SRGAP2C: variants seen among roughly 807,000 people sequenced by gnomAD.
The protein encoded by SRGAP2C is SLIT-ROBO Rho GTPase-activating protein 2C.
Under a neutral mutation model 25.1 loss-of-function variants are expected in SRGAP2C, and 15 were observed. The ratio of observed to expected loss-of-function variants is 0.60; its 90% CI spans 0.40 to 0.92. The LOEUF (loss-of-function observed/expected upper bound fraction) is 0.92. SRGAP2C is among the 40% of genes least tolerant of loss of function. SRGAP2C has a pLI of 0.00. For missense variants in SRGAP2C, 144 were observed against 264.4 expected (o/e 0.54, Z 3.16); for synonymous variants, 44 against 96.6 (o/e 0.46, Z 3.19).
chr1:121,269,863 A>G (rs1313044902), intron 2 of SRGAP2C, among the ~76,000 whole-genome samples: 2 of 149,112 alleles, frequency 1.3e-5, no homozygotes, highest in East Asian at 3.9e-4. Context: ...TTCACTTTAG[A>G]TGATTGTCTG....
chr1:121,230,878 C>G lies in SRGAP2C; in HGVS notation c.67+43365C>G, dbSNP rs1287765247. Among the ~76,000 whole-genome samples, 332 of 151,484 alleles carry G rather than the reference C, an allele frequency of 2.2e-3. 1 individual carries two copies. The highest frequency in any genetic ancestry group is 2.0e-3 in the Non-Finnish European group (137 of 67,896). ...CCATAAAAAAGAATGAGTTCATGTC[C>G]TTTGCAGGGACATGGATGAAGCTGG... is the stretch of plus-strand genomic sequence containing the variant. On this transcript the variant is annotated intron_variant, in intron 2 of 9. Transcript: ENST00000367123.
chr1:121,239,241 ATATAC>A (rs1314118811), intron 2 of SRGAP2C, among the ~76,000 whole-genome samples: 1 of 5,062 alleles, frequency 2.0e-4, no homozygotes, highest in Admixed American at 4.6e-3. Flanking sequence ...ATATATATAT[ATATAC>A]TATATATATA....
At chr1:121,346,803 C>T (rs1658756234) in intron 4 of SRGAP2C, among the ~76,000 whole-genome samples, 1 of 151,192 alleles carries the variant, frequency 6.6e-6, no homozygotes. Flanking sequence ...GTTACATGTC[C>T]CAGGCGGGAG....
intron 2 of SRGAP2C, among the ~76,000 whole-genome samples, chr1:121,206,409 T>C (rs1655109850): frequency 6.6e-6 from 1 of 152,180 alleles, no homozygotes; most frequent in African/African-American, 2.4e-5. Flanking sequence ...TCGAAGTGGA[T>C]AGTTTTTGAT....
At chr1:121,270,407 A>G (rs1177200617) in intron 2 of SRGAP2C, among the ~76,000 whole-genome samples, 3 of 140,622 alleles carry the variant, frequency 2.1e-5, no homozygotes, top group East Asian at 4.1e-4. Context: ...AAAAATTTAA[A>G]CATTATAAGT....
chr1:121,356,967 C>T (rs1289151327), intron 4 of SRGAP2C, among the ~76,000 whole-genome samples: 2 of 151,940 alleles, frequency 1.3e-5, no homozygotes, highest in African/African-American at 4.8e-5. Context: ...CCATTAGCCT[C>T]TTCCTGACCC....
chr1:121,216,025 TC>T (rs1655373632), intron 2 of SRGAP2C, among the ~76,000 whole-genome samples: 1 of 151,974 alleles, frequency 6.6e-6, no homozygotes, highest in South Asian at 2.1e-4. Context: ...CCATCTTCTT[TC>T]CCCTGCAGGG....
Position 121,372,355 on chromosome 1 carries a change from G to A in SRGAP2C, c.487-1616G>A, listed in dbSNP as rs587732411. On this transcript the variant is annotated intron_variant, in intron 5 of 9. Transcript: ENST00000367123. ...GTTGTGGGGGCTGTCCTGTGCATGG[G>A]ATGTTCAGCAGCATCCCTGACCTCT... Among the ~76,000 whole-genome samples the A allele has an allele frequency of 2.6e-5, 4 of 151,914 alleles. No individual in the cohort carries two copies. The South Asian group carries it at 8.3e-4, about 32-fold the overall frequency.
At chr1:121,227,782 GC>G (rs1334931032) in intron 2 of SRGAP2C, among the ~76,000 whole-genome samples, 1 of 149,782 alleles carries the variant, frequency 6.7e-6, no homozygotes, top group East Asian at 2.0e-4. Flanking sequence ...CTTCCCACTT[GC>G]CCATTTGTCA....
chr1:121,309,308 A>C (rs1342086138), intron 3 of SRGAP2C, among the ~76,000 whole-genome samples: 1 of 138,836 alleles, frequency 7.2e-6, no homozygotes, highest in Non-Finnish European at 1.5e-5. Context: ...TTTTTTTAAA[A>C]GATAAACAGT....
rs587749096 is a variant in SRGAP2C at position 121,270,695 on chromosome 1, T to G, written c.68-14108T>G. Among the ~76,000 whole-genome samples, 4 of 140,268 alleles carry G rather than the reference T, an allele frequency of 2.9e-5. No homozygotes were observed. In the South Asian group the frequency reaches 9.1e-4, roughly 32 times the overall value. 92.0% of individuals were successfully genotyped at this position (140,268 alleles called of 152,430 possible). A position where few individuals can be genotyped will look rare whatever the true frequency, so the allele number is the denominator to read the frequency against. ...CATCAGCTCAGGGCCAATTTTGTTTTATCTGTATCCCTCACCCATTCCCAC... is the reference window on the plus strand; with the variant it reads ...CATCAGCTCAGGGCCAATTTTGTTTGATCTGTATCCCTCACCCATTCCCAC... On this transcript the variant is annotated intron_variant, in intron 2 of 9. Coordinates refer to ENST00000367123, the MANE Select transcript of SRGAP2C (RefSeq NM_001329984.2).
intron 2 of SRGAP2C, among the ~76,000 whole-genome samples, chr1:121,209,635 A>G (rs2101415943): frequency 7.5e-6 from 1 of 133,040 alleles, no homozygotes; most frequent in Admixed American, 7.7e-5. Flanking sequence ...ACCGTTGACA[A>G]TATGACCGTG....
chr1:121,212,163 C>T (rs1336964162), intron 2 of SRGAP2C, among the ~76,000 whole-genome samples: 3 of 110,942 alleles, frequency 2.7e-5, no homozygotes, highest in Non-Finnish European at 5.2e-5. Flanking sequence ...CGGAGTCTCG[C>T]TCTGTCGCCC....
intron 2 of SRGAP2C, among the ~76,000 whole-genome samples, chr1:121,221,706 G>T (rs1655525419): frequency 4.2e-5 from 1 of 24,024 alleles, no homozygotes; most frequent in Admixed American, 5.0e-4. Flanking sequence ...GTGAGACAAC[G>T]TCTCAAAAAA....
intron 4 of SRGAP2C, among the ~76,000 whole-genome samples, chr1:121,350,628 C>G (rs1553345476): frequency 1.3e-5 from 2 of 151,628 alleles, no homozygotes; most frequent in African/African-American, 2.4e-5. Flanking sequence ...ATGCAAAAGC[C>G]AAAACTATAA....
In SRGAP2C at chr1:121,374,974, G is replaced by T. The variant is rs1321275897; in HGVS notation, c.831+20G>T. 6.5e-6 allele frequency: 5 copies of T among 771,850 alleles called. No individual in the cohort carries two copies. The highest frequency in any genetic ancestry group is 1.7e-5 in the Admixed American group (1 of 57,962). The allele number at this position is 771,850 out of a possible 1,614,324, so 47.8% of individuals were successfully genotyped here. Reference sequence around the variant, plus strand: ...ATTGATGTAAGTGCTTAAAGCCAAGGGCCTGAGGGCCCCTCTTTTCTGGTT... The same window carrying T: ...ATTGATGTAAGTGCTTAAAGCCAAGTGCCTGAGGGCCCCTCTTTTCTGGTT... On this transcript the variant is annotated intron_variant, in intron 7 of 9. Transcript: ENST00000367123.
intron 2 of SRGAP2C, among the ~76,000 whole-genome samples, chr1:121,212,501 T>TG (rs587702063): frequency 6.6e-6 from 1 of 151,582 alleles, no homozygotes; most frequent in East Asian, 2.0e-4. Context: ...CAGTATTGTA[T>TG]GGGGAGCTCT....
intron 3 of SRGAP2C, among the ~76,000 whole-genome samples, chr1:121,321,112 G>A (rs1658194667): frequency 6.8e-6 from 1 of 146,076 alleles, no homozygotes; most frequent in African/African-American, 2.6e-5. Context: ...TTTCTTCCAG[G>A]GTTTACATAA....
chr1:121,322,033 C>T (rs1658221977), intron 3 of SRGAP2C, among the ~76,000 whole-genome samples: 1 of 148,746 alleles, frequency 6.7e-6, no homozygotes, highest in Non-Finnish European at 1.5e-5. Flanking sequence ...CACCTAACAC[C>T]ATGCCTTGTT....
Sources: gnomAD v4.1 joint callset for allele counts (sites outside exome capture counted in the v4.1 genomes callset) on GRCh38, gnomAD v4.1.1 for gene constraint, MANE v1.5 for transcripts, NCBI Gene and HGNC (gene_info 2026-07-23, HGNC 2026-07-21) for gene names.